The following SPAG16 variants were observed in gnomAD, a reference collection of about 807,000 sequenced individuals.
The protein encoded by SPAG16 is sperm associated antigen 16, also known as sperm-associated antigen 16 protein.
Under a neutral mutation model 80.4 loss-of-function variants are expected in SPAG16, and 86 were observed. The ratio of observed to expected loss-of-function variants is 1.07; its 90% confidence interval spans 0.90 to 1.28. The LOEUF (loss-of-function observed/expected upper bound fraction) is 1.28, where lower values mean the gene tolerates loss of function less well. Among genes scored for constraint, SPAG16 ranks in the 50% most tolerant of loss-of-function variants. The pLI, the probability that SPAG16 is intolerant of heterozygous loss-of-function variation, is 0.00. For synonymous variants in SPAG16, 294 were observed against 265.9 expected, an observed-to-expected ratio of 1.11 and a Z score of -1.03; for missense variants, 870 against 765.3, an observed-to-expected ratio of 1.14 and a Z score of -1.61.
At chr2:214,374,349 A>G (rs150355375) in intron 15 of SPAG16, among the ~76,000 whole-genome samples, 1 of 152,324 alleles carries the variant, frequency 6.6e-6, no homozygotes, top group East Asian at 1.9e-4. Flanking sequence ...CAGAGGTTAA[A>G]ATTAATCCTT....
At position 213,585,631 on chromosome 2, in the gene SPAG16, C is replaced by T. The variant is rs542554343; in HGVS notation, c.1070+95541C>T. The stretch of plus-strand genomic sequence containing the variant: ...TTTAAGACAACCAAAGATGATCATA[C>T]GTCTCTTGCTAAACATATTAATTTC... On this transcript the variant is annotated intron_variant, in intron 10 of 15. Transcript: ENST00000331683. Among the ~76,000 whole-genome samples the T allele has an allele frequency of 1.1e-4, 17 of 152,216 alleles. No homozygotes were observed. The East Asian group carries it at 1.9e-3, about 17-fold the overall frequency.
At chr2:213,755,245 A>G (rs1575044134) in intron 10 of SPAG16, among the ~76,000 whole-genome samples, 1 of 152,228 alleles carries the variant, frequency 6.6e-6, no homozygotes, top group Non-Finnish European at 1.5e-5. Context: ...ATCACAGTTT[A>G]GAGAAATAAG....
intron 10 of SPAG16, among the ~76,000 whole-genome samples, chr2:213,599,659 G>GTTA: frequency 1.3e-5 from 2 of 152,114 alleles, no homozygotes; most frequent in Non-Finnish European, 2.9e-5. Flanking sequence ...AAGGCTTCTT[G>GTTA]TCCGCAAGAA....
intron 9 of SPAG16, among the ~76,000 whole-genome samples, chr2:213,452,451 A>C (rs558049295): frequency 7.2e-5 from 11 of 151,742 alleles, no homozygotes; most frequent in African/African-American, 2.7e-4. Flanking sequence ...TCTTTTCTCA[A>C]CTCTCTAATA....
At chr2:214,285,944 C>G (rs1693325944) in intron 15 of SPAG16, among the ~76,000 whole-genome samples, 1 of 152,074 alleles carries the variant, frequency 6.6e-6, no homozygotes, top group African/African-American at 2.4e-5. Flanking sequence ...TCGTCTAGAC[C>G]AATGTTAATA....
chr2:213,564,287 G>A (rs2059689165), intron 10 of SPAG16, among the ~76,000 whole-genome samples: 1 of 151,980 alleles, frequency 6.6e-6, no homozygotes, highest in African/African-American at 2.4e-5. Context: ...TTGAGGTCAG[G>A]AATTTGAGAC....
intron 10 of SPAG16, among the ~76,000 whole-genome samples, chr2:213,713,896 A>G (rs1197011152): frequency 6.6e-6 from 1 of 152,232 alleles, no homozygotes; most frequent in Non-Finnish European, 1.5e-5. Flanking sequence ...AACAAAGTAT[A>G]AAATCATGTT....
chr2:213,398,584 G>C (rs1374370666), intron 9 of SPAG16, among the ~76,000 whole-genome samples: 3 of 152,046 alleles, frequency 2.0e-5, no homozygotes, highest in African/African-American at 7.2e-5. Flanking sequence ...AATTCAGATG[G>C]CTCATCTCTC....
chr2:214,024,682 G>A (rs2125021032), intron 13 of SPAG16, among the ~76,000 whole-genome samples: 1 of 151,632 alleles, frequency 6.6e-6, no homozygotes, highest in East Asian at 1.9e-4. Context: ...ATGAATAGAA[G>A]GTTGATAGAG....
intron 9 of SPAG16, among the ~76,000 whole-genome samples, chr2:213,405,108 C>A (rs1007594220): frequency 5.3e-5 from 8 of 152,088 alleles, no homozygotes; most frequent in Non-Finnish European, 5.9e-5. Flanking sequence ...TCACTACTGT[C>A]GAGTGTAACA....
intron 15 of SPAG16, among the ~76,000 whole-genome samples, chr2:214,230,155 T>C (rs535822575): frequency 6.8e-4 from 103 of 152,086 alleles, no homozygotes; most frequent in South Asian, 1.0e-3. Flanking sequence ...AGTGAACCCA[T>C]AGTGATCAGG....
At chr2:213,874,675 G>A (rs2076077418) in intron 11 of SPAG16, among the ~76,000 whole-genome samples, 1 of 152,108 alleles carries the variant, frequency 6.6e-6, no homozygotes, top group African/African-American at 2.4e-5. Flanking sequence ...GAATTTTTCA[G>A]CTCCATTATA....
rs559607456 is a variant in SPAG16 at position 213,391,011 on chromosome 2, T to C, written c.942+15892T>C. Among the ~76,000 whole-genome samples the C allele has an allele frequency of 2.8e-4, 43 of 152,314 alleles. 1 individual carries two copies. The South Asian group carries it at 8.7e-3, about 31-fold the overall frequency. On this transcript the variant is annotated intron_variant, in intron 9 of 15. Transcript: ENST00000331683. ...ATGGCCAGGCGCGGTGACTCATGCC[T>C]GTAATCCCAGCACTTTGGGAGGCCA... is the stretch of plus-strand genomic sequence containing the variant.
intron 11 of SPAG16, among the ~76,000 whole-genome samples, chr2:213,878,722 T>G (rs1359958044): frequency 1.3e-5 from 2 of 152,182 alleles, no homozygotes; most frequent in Non-Finnish European, 2.9e-5. Flanking sequence ...TCATAAATTC[T>G]TTGCCTAAAC....
At chr2:214,323,733 C>T (rs1696274576) in intron 15 of SPAG16, among the ~76,000 whole-genome samples, 1 of 152,204 alleles carries the variant, frequency 6.6e-6, no homozygotes, top group Non-Finnish European at 1.5e-5. Context: ...ACAAAATTCT[C>T]CCATTCCCAC....
chr2:214,191,298 G>A, intron 15 of SPAG16, among the ~76,000 whole-genome samples: 1 of 152,062 alleles, frequency 6.6e-6, no homozygotes, highest in South Asian at 2.1e-4. Flanking sequence ...TCTTCCAGTG[G>A]GAGCTATGCA....
chr2:213,532,147 C>T (rs2076091556), intron 10 of SPAG16, among the ~76,000 whole-genome samples: 1 of 152,046 alleles, frequency 6.6e-6, no homozygotes, highest in Admixed American at 6.6e-5. Context: ...TATGGAGATT[C>T]CTTCATATAG....
chr2:213,927,385 C>G (rs2078531237), intron 11 of SPAG16, among the ~76,000 whole-genome samples: 1 of 152,196 alleles, frequency 6.6e-6, no homozygotes, highest in Non-Finnish European at 1.5e-5. Flanking sequence ...TCTCTTAAAA[C>G]ACACTTTTTT....
chr2:214,338,379 T>C (rs1367315580), intron 15 of SPAG16, among the ~76,000 whole-genome samples: 1 of 152,080 alleles, frequency 6.6e-6, no homozygotes, highest in Non-Finnish European at 1.5e-5. Context: ...TCGGGCATGG[T>C]GGTGCATGCC....
Sources: gnomAD v4.1 joint callset for allele counts (sites outside exome capture counted in the v4.1 genomes callset) on GRCh38, gnomAD v4.1.1 for gene constraint, MANE v1.5 for transcripts, NCBI Gene and HGNC (gene_info 2026-07-23, HGNC 2026-07-21) for gene names.